Variants in CCDC187 observed in about 807,000 individuals in gnomAD.
CCDC187 encodes the protein coiled-coil domain containing 187.
In CCDC187, 32 loss-of-function variants were observed where a neutral mutation model predicts 38.0. That is an observed-to-expected ratio of 0.84 (90% CI 0.64 to 1.13). The LOEUF is 1.13. Among genes scored for constraint, CCDC187 ranks in the 50% most tolerant of loss-of-function variants. The pLI, the probability that CCDC187 is intolerant of heterozygous loss-of-function variation, is 0.00. For missense variants in CCDC187, 707 were observed against 786.8 expected, an observed-to-expected ratio of 0.90 and a Z score of 1.21; for synonymous variants, 333 against 347.9, an observed-to-expected ratio of 0.96 and a Z score of 0.48.
rs183237257 is a variant in CCDC187 at position 136,270,740 on chromosome 9, G to A, written c.3443-2615C>T. On this transcript the variant is annotated intron_variant, in intron 14 of 25. Transcript: ENST00000638797. ...TCCCTTTCATGGTCAGCTAAGTAAC[G>A]GGTGCCTTCCCAGACACTGGCATTA... 2.5e-4 allele frequency among the ~76,000 whole-genome samples: 38 copies of A among 152,252 alleles called. No individual in the cohort carries two copies. The South Asian group carries it at 4.4e-3, about 17-fold the overall frequency.
chr9:136,263,240 T>C (rs1554761213), intron 18 of CCDC187, among the ~76,000 whole-genome samples: 1 of 147,122 alleles, frequency 6.8e-6, no homozygotes, highest in Non-Finnish European at 1.5e-5. Context: ...ACAGGCTTTT[T>C]TTTTTTTTTT....
At chr9:136,271,130 G>A (rs1830832903) in intron 14 of CCDC187, among the ~76,000 whole-genome samples, 1 of 152,180 alleles carries the variant, frequency 6.6e-6, no homozygotes, top group African/African-American at 2.4e-5. Context: ...GAGAGAAAGA[G>A]GAGCAAAAAG....
chr9:136,265,620 G>A lies in CCDC187; in HGVS notation c.3735+336C>T, dbSNP rs572963652. 3.3e-5 allele frequency: 5 copies of A among 152,366 alleles called. No individual in the cohort carries two copies. The East Asian group carries it at 9.7e-4, about 29-fold the overall frequency. The allele number at this position is 152,366 out of a possible 1,614,324, so 9.4% of individuals were successfully genotyped here. A position where few individuals can be genotyped will look rare whatever the true frequency, so the allele number is the denominator to read the frequency against. ...TCCAAGGAGGAAACTGAGGCTCCAAGAGACAAAGCCACTTGCTCAAGGTGA... is the reference window on the plus strand; with the variant it reads ...TCCAAGGAGGAAACTGAGGCTCCAAAAGACAAAGCCACTTGCTCAAGGTGA... On this transcript the variant is annotated intron_variant, in intron 17 of 25. Transcript: ENST00000638797.
In CCDC187 at chr9:136,258,277, G is replaced by C. The variant is rs1830638568; in HGVS notation, c.4366+655C>G. Among the ~76,000 whole-genome samples the C allele has an allele frequency of 6.6e-6, 1 of 152,176 alleles. No homozygotes were observed. The highest frequency in any genetic ancestry group is 1.5e-5 in the Non-Finnish European group (1 of 68,014). Reference sequence around the variant, plus strand: ...TCTCAACCCATCTGTCCTGAGGTTTGCTCTCCCTGGCCCCAACGGCAGGGA... The same window carrying C: ...TCTCAACCCATCTGTCCTGAGGTTTCCTCTCCCTGGCCCCAACGGCAGGGA... On this transcript the variant is annotated intron_variant, in intron 22 of 25. Transcript: ENST00000638797. The surrounding 1 kb of genome is among the most constrained non-coding windows in gnomAD (Gnocchi z 4.3).
intron 2 of CCDC187, among the ~76,000 whole-genome samples, chr9:136,300,587 T>C (rs1831654515): frequency 7.7e-6 from 1 of 130,314 alleles, no homozygotes; most frequent in South Asian, 2.7e-4. Flanking sequence ...CTAATTTTTG[T>C]ATTTCAAAAG....
At position 136,293,179 on chromosome 9, in the gene CCDC187, ACACACTCACATGCT is replaced by A. The variant is rs1332468798; in HGVS notation, c.833-898_833-885del. ...CATGCTCACACACTCACATGCTCAC[ACACACTCACATGCT>A]CACACACTCACAAACACATGCTCAC... On this transcript the variant is annotated intron_variant, in intron 4 of 25. Coordinates refer to ENST00000638797, the MANE Select transcript of CCDC187 (RefSeq NM_001378188.1). 2.2e-3 allele frequency among the ~76,000 whole-genome samples: 233 copies of A among 106,436 alleles called. 6 individuals carry two copies. The East Asian group carries it at 0.05, about 23-fold the overall frequency. 69.8% of individuals were successfully genotyped at this position (106,436 alleles called of 152,430 possible).
At position 136,302,825 on chromosome 9, in the gene CCDC187, G is replaced by A. The variant is rs1332030464; in HGVS notation, c.612C>T (p.Ala204=). ...KGQEAKNPPP[A]PECSGFSILS... ...GTGGCCACTGACCTGAGCATTCAGG[G>A]GCTGGAGGGGGATTTTTTGCCTCTT... The change falls in exon 2 of 26, where the codon GCC becomes GCT. Residue 204 remains alanine (A), a synonymous_variant. Transcript: ENST00000638797. 7 of 398,688 alleles carry A rather than the reference G, an allele frequency of 1.8e-5. No homozygotes were observed. The highest frequency in any genetic ancestry group is 1.2e-4 in the African/African-American group (6 of 48,650). 24.7% of individuals were successfully genotyped at this position (398,688 alleles called of 1,614,324 possible).
Position 136,254,114 on chromosome 9 carries a change from CCTT to C in CCDC187, c.5711_5713del (p.Lys1904_Gly1905delinsArg). On this transcript the variant is annotated inframe_deletion, in exon 26 of 26. Coordinates refer to ENST00000638797, the MANE Select transcript of CCDC187 (RefSeq NM_001378188.1). The stretch of plus-strand genomic sequence containing the variant: ...CTCCTGGTAGCCAGAAGTCTCTCCT[CCTT>C]TGCCGAAATCTGCCCCTTCACTCAA... The C allele has an allele frequency of 1.0e-6, 1 of 985,522 alleles. No individual in the cohort carries two copies. The highest frequency in any genetic ancestry group is 1.2e-6 in the Non-Finnish European group (1 of 829,998). 61.0% of individuals were successfully genotyped at this position (985,522 alleles called of 1,614,324 possible).
rs1424938532 is a variant in CCDC187 at position 136,264,607 on chromosome 9, A to G, written c.3736-809T>C. ...CTCCGCCCCCAGCTCCCTTGCCTGT[A>G]ATGCCCCATGCCTGACACCCCAGGT... On this transcript the variant is annotated intron_variant, in intron 17 of 25. Transcript: ENST00000638797. The surrounding 1 kb of genome is among the most constrained non-coding windows in gnomAD (Gnocchi z 4.3). Among the ~76,000 whole-genome samples, 6 of 152,084 alleles carry G rather than the reference A, an allele frequency of 3.9e-5. No individual in the cohort carries two copies. Among genetic ancestry groups the G allele is most frequent in the Non-Finnish European group, 8.8e-5 (6 of 67,982 alleles).
At chr9:136,306,019 C>T (rs962294896), upstream of CCDC187, among the ~76,000 whole-genome samples, 19 of 152,224 alleles carry the variant, frequency 1.2e-4, no homozygotes, top group Non-Finnish European at 7.3e-5. Context: ...CAGCCTGCAC[C>T]GGCTGGCGCC....
intron 2 of CCDC187, among the ~76,000 whole-genome samples, chr9:136,301,883 C>T (rs1338192887): frequency 6.6e-6 from 1 of 152,032 alleles, no homozygotes; most frequent in African/African-American, 2.4e-5. Context: ...CCACCGCTCC[C>T]GGACTACATA....
intron 6 of CCDC187, 135 bp from the exon 7 acceptor site, chr9:136,290,188 G>A: frequency 2.5e-6 from 1 of 397,822 alleles, no homozygotes; most frequent in East Asian, 3.6e-5. Flanking sequence ...AGGAATCGGG[G>A]TCCCACTTCA....
Position 136,258,319 on chromosome 9 carries a change from A to AC in CCDC187, c.4366+612dup, listed in dbSNP as rs1483236523. On this transcript the variant is annotated intron_variant, in intron 22 of 25. Transcript: ENST00000638797. This position sits in a 1 kb window ranked among gnomAD's most constrained non-coding sequence, Gnocchi z 4.3. ...CGGCAGGGACCCCCCAGTCTATGCC[A>AC]CCCCCCTTGGGTGGCATAGTCTCCC... is the stretch of plus-strand genomic sequence containing the variant. Among the ~76,000 whole-genome samples, 7 of 151,518 alleles carry AC rather than the reference A, an allele frequency of 4.6e-5. No individual in the cohort carries two copies. Among genetic ancestry groups the AC allele is most frequent in the African/African-American group, 1.7e-4 (7 of 41,186 alleles).
chr9:136,271,669 G>T (rs1275427236), intron 14 of CCDC187, among the ~76,000 whole-genome samples: 1 of 144,334 alleles, frequency 6.9e-6, no homozygotes, highest in African/African-American at 2.6e-5. Flanking sequence ...GTGCGGTGGC[G>T]CGATCTCGGC....
At chr9:136,296,923 G>A (rs1204621048) in intron 4 of CCDC187, among the ~76,000 whole-genome samples, 3 of 152,166 alleles carry the variant, frequency 2.0e-5, no homozygotes, top group Non-Finnish European at 4.4e-5. Context: ...CCCTGTGCCT[G>A]CACAAAGTCC....
chr9:136,283,590 G>A (rs896813127), intron 9 of CCDC187, among the ~76,000 whole-genome samples: 367 of 152,364 alleles, frequency 2.4e-3, no homozygotes, highest in African/African-American at 8.0e-3. Flanking sequence ...GCCTCGGCAG[G>A]GCTGTGGGGG....
At chr9:136,294,630 G>A (rs2131335893) in intron 4 of CCDC187, among the ~76,000 whole-genome samples, 2 of 152,304 alleles carry the variant, frequency 1.3e-5, no homozygotes, top group South Asian at 4.1e-4. Flanking sequence ...CCCAGACACG[G>A]CACCCTCCTC....
At position 136,261,480 on chromosome 9, in the gene CCDC187, C is replaced by T. The variant is rs140820798; in HGVS notation, c.4064+831G>A. ...TCCAGGTCTGCAACCATACATGTAC[C>T]GGCCCCTCCCCTCCAGCCCTATAAG... On this transcript the variant is annotated intron_variant, in intron 19 of 25. Coordinates refer to ENST00000638797, the MANE Select transcript of CCDC187 (RefSeq NM_001378188.1). Among the ~76,000 whole-genome samples the T allele has an allele frequency of 2.0e-4, 27 of 137,366 alleles. No homozygotes were observed. The East Asian group carries it at 5.7e-3, about 29-fold the overall frequency. 90.1% of individuals were successfully genotyped at this position (137,366 alleles called of 152,430 possible).
chr9:136,286,993 C>T (rs1485751808), intron 7 of CCDC187, among the ~76,000 whole-genome samples: 6 of 152,222 alleles, frequency 3.9e-5, no homozygotes, highest in African/African-American at 7.2e-5. Flanking sequence ...AGAACAACCA[C>T]GGGTCTGGCA....
Sources: allele counts gnomAD v4.1 joint callset (sites outside exome capture counted in the v4.1 genomes callset), GRCh38; gene constraint gnomAD v4.1.1; non-coding constraint Gnocchi (gnomAD v3.1); transcripts MANE v1.5; gene names NCBI Gene and HGNC (gene_info 2026-07-23, HGNC 2026-07-21).